ATP10B: variants seen among roughly 807,000 people sequenced by gnomAD.
The protein encoded by ATP10B is ATPase phospholipid transporting 10B (putative).
In ATP10B, 122 loss-of-function variants were observed where a neutral mutation model predicts 141.2. That is an observed-to-expected ratio of 0.86 (90% CI 0.75 to 1.00). The LOEUF (loss-of-function observed/expected upper bound fraction) is 1.00, where lower values mean the gene tolerates loss of function less well. ATP10B is among the 50% of genes least tolerant of loss of function. The probability of loss-of-function intolerance (pLI) is 0.00; values close to 1 mark genes in which losing one functional copy is unlikely to be tolerated. For synonymous variants in ATP10B, 685 were observed against 692.0 expected (o/e 0.99, Z 0.16); for missense variants, 1,876 against 1,825.3 (o/e 1.03, Z -0.51).
At chr5:160,751,285 C>T (rs1424301120) in intron 2 of ATP10B, among the ~76,000 whole-genome samples, 1 of 152,180 alleles carries the variant, frequency 6.6e-6, no homozygotes, top group East Asian at 1.9e-4. Context: ...GCTCATTGCT[C>T]CCCCTTTTTC....
At chr5:160,871,729 A>G in the ATP10B span, among the ~76,000 whole-genome samples, 2 of 152,166 alleles carry the variant, frequency 1.3e-5, no homozygotes, top group African/African-American at 4.8e-5. Flanking sequence ...GTAGTATTCC[A>G]TCATGTATAT....
intron 1 of ATP10B, among the ~76,000 whole-genome samples, chr5:160,798,780 T>G (rs1431041271): frequency 6.8e-6 from 1 of 146,014 alleles, no homozygotes; most frequent in African/African-American, 2.5e-5. Context: ...AGGCAAAGGC[T>G]TACTCTGTCA....
At chr5:160,772,571 G>T (rs59481581) in intron 2 of ATP10B, among the ~76,000 whole-genome samples, 1 of 152,084 alleles carries the variant, frequency 6.6e-6, no homozygotes, top group South Asian at 2.1e-4. Context: ...ACCTCAGATC[G>T]TCAGGCATTA....
rs1301400636 is a variant in ATP10B, at chr5:160,617,877, C to T, written c.2513G>A (p.Cys838Tyr). 1 of 1,614,034 alleles carries T rather than the reference C, an allele frequency of 6.2e-7. No homozygotes were observed. Among genetic ancestry groups the T allele is most frequent in the South Asian group, 1.1e-5 (1 of 91,080 alleles). ...AATTGTTCTTACCTTCTTGGCAATG[C>T]ATAGTGTGCGCAGGCCATCTCTTGC... The part of the protein sequence containing the change: ...LYARDGLRTL[C>Y]IAKKVVSEED... Residue 838 changes from cysteine (C) to tyrosine (Y), a missense_variant, in exon 16 of 26, where the codon TGC becomes TAC. Transcript: ENST00000327245.
intron 1 of ATP10B, among the ~76,000 whole-genome samples, chr5:160,833,936 A>G (rs1484907781): frequency 6.6e-6 from 1 of 152,178 alleles, no homozygotes; most frequent in African/African-American, 2.4e-5. Flanking sequence ...TGTTATGAAT[A>G]TAATATATGC....
intron 2 of ATP10B, among the ~76,000 whole-genome samples, chr5:160,773,775 G>A (rs775785061): frequency 1.3e-5 from 2 of 152,124 alleles, no homozygotes; most frequent in South Asian, 2.1e-4. Flanking sequence ...CTGTTCCACC[G>A]AGCAGTTACA....
At chr5:160,881,881 A>G in the ATP10B span, among the ~76,000 whole-genome samples, 1 of 152,140 alleles carries the variant, frequency 6.6e-6, no homozygotes, top group Non-Finnish European at 1.5e-5. Flanking sequence ...TTCCTTCTAT[A>G]AGTGAATGGA....
At chr5:160,648,457 G>A (rs1760454452) in intron 8 of ATP10B, among the ~76,000 whole-genome samples, 2 of 152,080 alleles carry the variant, frequency 1.3e-5, no homozygotes, top group Non-Finnish European at 2.9e-5. Flanking sequence ...ATCGTATAAG[G>A]GCATTTACTC....
intron 24 of ATP10B, among the ~76,000 whole-genome samples, chr5:160,579,304 CT>C (rs1340327317): frequency 1.3e-5 from 2 of 152,134 alleles, no homozygotes; most frequent in East Asian, 3.8e-4. Flanking sequence ...GGTTTTAGGT[CT>C]TACATTTAAG....
intron 6 of ATP10B, among the ~76,000 whole-genome samples, chr5:160,679,801 G>A (rs1763264094): frequency 6.6e-6 from 1 of 152,132 alleles, no homozygotes; most frequent in African/African-American, 2.4e-5. Flanking sequence ...GAACCACCCT[G>A]GATTCCCTCA....
chr5:160,643,973 A>G (rs1351753860), intron 9 of ATP10B, among the ~76,000 whole-genome samples, 165 bp downstream of exon 9: 2 of 152,216 alleles, frequency 1.3e-5, no homozygotes, highest in Non-Finnish European at 2.9e-5. Context: ...GAGTGAGTGA[A>G]CTGCTGTGAT....
intron 2 of ATP10B, among the ~76,000 whole-genome samples, chr5:160,766,729 A>C (rs1769463404): frequency 6.6e-6 from 1 of 152,230 alleles, no homozygotes. Flanking sequence ...CTGTTCCCCC[A>C]AAACGATTGA....
At chr5:160,845,320 A>G (rs2046521869) in intron 1 of ATP10B, among the ~76,000 whole-genome samples, 1 of 152,184 alleles carries the variant, frequency 6.6e-6, no homozygotes. Context: ...GCCAGACACC[A>G]AGGAACATAT....
At chr5:160,775,481 C>A (rs1395489167) in intron 2 of ATP10B, among the ~76,000 whole-genome samples, 1 of 152,044 alleles carries the variant, frequency 6.6e-6, no homozygotes, top group African/African-American at 2.4e-5. Context: ...TAAGATGCAC[C>A]TTATATGTGA....
At chr5:160,632,832 C>T (rs1472305980) in intron 12 of ATP10B, 1 of 153,306 alleles carries the variant, frequency 6.5e-6, no homozygotes, top group Non-Finnish European at 1.5e-5. Flanking sequence ...CCATCTTTCT[C>T]TTTCTCCATC....
chr5:160,588,965 T>G (rs1311419664), intron 24 of ATP10B, among the ~76,000 whole-genome samples: 2 of 152,258 alleles, frequency 1.3e-5, no homozygotes, highest in East Asian at 1.9e-4. Context: ...CAGCCTCAGG[T>G]ATGTATGGTC....
intron 2 of ATP10B, among the ~76,000 whole-genome samples, chr5:160,734,582 A>G (rs1057290889): frequency 6.6e-6 from 1 of 152,170 alleles, no homozygotes; most frequent in African/African-American, 2.4e-5. Flanking sequence ...CCACTGAAAA[A>G]AATGTGAAAA....
intron 7 of ATP10B, among the ~76,000 whole-genome samples, chr5:160,665,995 T>G (rs1762295757): frequency 6.6e-6 from 1 of 152,198 alleles, no homozygotes; most frequent in Non-Finnish European, 1.5e-5. Context: ...ATTTGCTCTT[T>G]CAGTGCCTCA....
chr5:160,723,933 T>G (rs1404669592), intron 2 of ATP10B, among the ~76,000 whole-genome samples: 1 of 152,176 alleles, frequency 6.6e-6, no homozygotes, highest in African/African-American at 2.4e-5. Flanking sequence ...ATATACACCA[T>G]GGAATACTGT....
Sources: allele counts gnomAD v4.1 joint callset (sites outside exome capture counted in the v4.1 genomes callset), GRCh38; gene constraint gnomAD v4.1.1; transcripts MANE v1.5; gene names NCBI Gene and HGNC (gene_info 2026-07-23, HGNC 2026-07-21).